Variants in ZNF385D observed in about 807,000 individuals in gnomAD.
The protein encoded by ZNF385D is zinc finger protein 659.
A neutral mutation model predicts 35.8 loss-of-function variants in ZNF385D; 15 were observed. That is an observed-to-expected ratio of 0.42 (90% CI 0.28 to 0.64). The LOEUF (loss-of-function observed/expected upper bound fraction) is 0.64, where lower values mean the gene tolerates loss of function less well. ZNF385D is among the 30% of genes least tolerant of loss of function. The pLI, the probability that ZNF385D is intolerant of heterozygous loss-of-function variation, is 0.23. For synonymous variants in ZNF385D, 212 were observed against 186.8 expected (o/e 1.13, Z -1.10); for missense variants, 474 against 494.6 (o/e 0.96, Z 0.39).
At chr3:22,349,756 C>T (rs1261625183) in intron 2 of ZNF385D, among the ~76,000 whole-genome samples, 1 of 134,806 alleles carries the variant, frequency 7.4e-6, no homozygotes, top group Admixed American at 7.8e-5. Context: ...TATTTATGGT[C>T]TGGGTCCAAC....
At chr3:22,263,572 C>T (rs1700743493) in intron 2 of ZNF385D, among the ~76,000 whole-genome samples, 1 of 151,972 alleles carries the variant, frequency 6.6e-6, no homozygotes. Context: ...GTGAGTCCTA[C>T]AAGGGCAAAA....
chr3:22,217,331 G>A (rs983364422), intron 2 of ZNF385D, among the ~76,000 whole-genome samples: 4 of 152,020 alleles, frequency 2.6e-5, no homozygotes, highest in African/African-American at 9.7e-5. Flanking sequence ...CCTCTGTGGT[G>A]TGCCCTGCCT....
At chr3:22,215,078 AC>A (rs1318066962) in intron 2 of ZNF385D, among the ~76,000 whole-genome samples, 2 of 152,146 alleles carry the variant, frequency 1.3e-5, no homozygotes, top group East Asian at 3.9e-4. Flanking sequence ...AGACCGGCTG[AC>A]ACTTAAGGAA....
At chr3:21,683,806 C>G (rs949628387) in intron 1 of ZNF385D, among the ~76,000 whole-genome samples, 2 of 149,776 alleles carry the variant, frequency 1.3e-5, no homozygotes, top group Admixed American at 1.3e-4. Flanking sequence ...AGGGTGACAG[C>G]AAGGAAAGCA....
intron 3 of ZNF385D, among the ~76,000 whole-genome samples, chr3:21,938,246 T>C (rs1701354653): frequency 6.6e-6 from 1 of 152,206 alleles, no homozygotes; most frequent in Admixed American, 6.5e-5. Flanking sequence ...TTTCTCTCAG[T>C]TATGCACAAG....
chr3:22,298,134 T>C (rs1168370104), intron 2 of ZNF385D, among the ~76,000 whole-genome samples: 1 of 151,898 alleles, frequency 6.6e-6, no homozygotes, highest in African/African-American at 2.4e-5. Context: ...AAAAGTCAAA[T>C]GAAGTTAAAA....
chr3:21,958,556 G>C (rs1012296472), intron 3 of ZNF385D, among the ~76,000 whole-genome samples: 4 of 151,950 alleles, frequency 2.6e-5, no homozygotes, highest in Non-Finnish European at 5.9e-5. Context: ...CTGACAAGAA[G>C]CTATATATCT....
At chr3:22,041,837 G>C (rs1040651900) in intron 3 of ZNF385D, among the ~76,000 whole-genome samples, 2 of 152,076 alleles carry the variant, frequency 1.3e-5, no homozygotes, top group Admixed American at 6.6e-5. Context: ...AAACAGGAAG[G>C]AATGTTCAGG....
intron 2 of ZNF385D, among the ~76,000 whole-genome samples, chr3:21,566,979 T>TCAATA (rs1324192511): frequency 6.6e-6 from 1 of 152,176 alleles, no homozygotes; most frequent in Non-Finnish European, 1.5e-5. Flanking sequence ...AATCTTTCAT[T>TCAATA]CAATACAATG....
chr3:21,855,335 G>C (rs558035878), intron 3 of ZNF385D, among the ~76,000 whole-genome samples: 1 of 151,978 alleles, frequency 6.6e-6, no homozygotes, highest in Non-Finnish European at 1.5e-5. Context: ...GGACCACACA[G>C]GGAATTAATC....
At chr3:22,219,970 A>C (rs1304517061) in intron 2 of ZNF385D, among the ~76,000 whole-genome samples, 1 of 151,806 alleles carries the variant, frequency 6.6e-6, no homozygotes, top group African/African-American at 2.4e-5. Context: ...TTTCTAATTA[A>C]CTTTCAGTTT....
At chr3:21,614,737 T>G (rs891781221) in intron 2 of ZNF385D, among the ~76,000 whole-genome samples, 2 of 152,164 alleles carry the variant, frequency 1.3e-5, no homozygotes, top group Admixed American at 1.3e-4. Flanking sequence ...TGCAGGCGAA[T>G]GCCACCTCGC....
chr3:21,463,437 C>T (rs1301451353), intron 4 of ZNF385D, among the ~76,000 whole-genome samples: 1 of 152,182 alleles, frequency 6.6e-6, no homozygotes, highest in Non-Finnish European at 1.5e-5. Context: ...AGAGCATGCA[C>T]AGTGGCACAG....
intron 1 of ZNF385D, among the ~76,000 whole-genome samples, chr3:21,724,634 T>C (rs1408828372): frequency 1.3e-5 from 2 of 151,334 alleles, no homozygotes; most frequent in Admixed American, 6.6e-5. Flanking sequence ...AAGAGCTAAC[T>C]ATACTAAATA....
At chr3:22,181,664 C>G (rs1405353781) in intron 2 of ZNF385D, among the ~76,000 whole-genome samples, 1 of 145,730 alleles carries the variant, frequency 6.9e-6, no homozygotes, top group Non-Finnish European at 1.5e-5. Context: ...GGCCACTGCA[C>G]TCCGGCCTGG....
At chr3:22,300,391 T>G (rs1473648858) in intron 2 of ZNF385D, among the ~76,000 whole-genome samples, 2 of 148,948 alleles carry the variant, frequency 1.3e-5, no homozygotes, top group Non-Finnish European at 3.0e-5. Flanking sequence ...GGCAATGATT[T>G]TTTTTTTTTT....
At chr3:22,024,999 C>G (rs187231666) in intron 3 of ZNF385D, among the ~76,000 whole-genome samples, 1 of 152,094 alleles carries the variant, frequency 6.6e-6, no homozygotes, top group Admixed American at 6.6e-5. Flanking sequence ...ACAAAAGATG[C>G]GTGCGCAGCC....
chr3:22,257,291 G>A lies in ZNF385D; in HGVS notation c.107-88256C>T, dbSNP rs114502084. ...CTGTTAGATTCTACACTCAAAGTAC[G>A]AACTTGTTTCATTCCTTTTTATTTC... On this transcript the variant is annotated intron_variant, in intron 2 of 5. Transcript: ENST00000494108. Among the ~76,000 whole-genome samples, 913 of 151,798 alleles carry A rather than the reference G, an allele frequency of 6.0e-3. 7 individuals are homozygous for A. Among genetic ancestry groups the A allele is most frequent in the African/African-American group, 0.021 (860 of 41,496 alleles).
At chr3:22,151,473 G>T (rs975864680) in intron 3 of ZNF385D, among the ~76,000 whole-genome samples, 1 of 152,124 alleles carries the variant, frequency 6.6e-6, no homozygotes, top group African/African-American at 2.4e-5. Context: ...GATGGATTAT[G>T]TGTACATTGA....
Sources: allele counts gnomAD v4.1 joint callset (sites outside exome capture counted in the v4.1 genomes callset), GRCh38; gene constraint gnomAD v4.1.1; transcripts MANE v1.5; gene names NCBI Gene and HGNC (gene_info 2026-07-23, HGNC 2026-07-21).